GNB1L: variants seen among roughly 807,000 people sequenced by gnomAD.
GNB1L encodes guanine nucleotide-binding protein subunit beta-like protein 1.
A neutral mutation model predicts 29.1 loss-of-function variants in GNB1L; 20 were observed. The ratio of observed to expected loss-of-function variants is 0.69; its 90% confidence interval spans 0.48 to 1.00. The LOEUF (loss-of-function observed/expected upper bound fraction) is 1.00, where lower values mean the gene tolerates loss of function less well. Among genes scored for constraint, GNB1L ranks in the 50% least tolerant of loss-of-function variants. The pLI, the probability that GNB1L is intolerant of heterozygous loss-of-function variation, is 0.00. For synonymous variants in GNB1L, 193 were observed against 206.5 expected, an observed-to-expected ratio of 0.93 and a Z score of 0.56; for missense variants, 421 against 464.9, an observed-to-expected ratio of 0.91 and a Z score of 0.87.
At chr22:19,833,051 G>A (rs1254077025) in intron 2 of GNB1L, among the ~76,000 whole-genome samples, 1 of 152,186 alleles carries the variant, frequency 6.6e-6, no homozygotes, top group Non-Finnish European at 1.5e-5. Flanking sequence ...GCCTGCTAGC[G>A]CCAAACTCAG....
intron 2 of GNB1L, chr22:19,851,531 G>A: frequency 3.7e-6 from 6 of 1,614,068 alleles, no homozygotes; most frequent in East Asian, 2.2e-5. Flanking sequence ...GTTGGACCCA[G>A]ACACAGCAGG....
intron 2 of GNB1L, chr22:19,852,389 C>T: frequency 1.0e-6 from 1 of 977,978 alleles, no homozygotes; most frequent in South Asian, 1.7e-5. Flanking sequence ...CGCACTGGTC[C>T]AGGCAAGTGC....
intron 2 of GNB1L, among the ~76,000 whole-genome samples, chr22:19,827,683 C>T (rs1388784566): frequency 6.6e-6 from 1 of 152,184 alleles, no homozygotes; most frequent in Non-Finnish European, 1.5e-5. Flanking sequence ...AAAAATTAAA[C>T]AGTCTGTCAA....
At chr22:19,806,898 G>A (rs1042191214) in intron 5 of GNB1L, 141 bp from the exon 6 acceptor site, 1 of 712,526 alleles carries the variant, frequency 1.4e-6, no homozygotes. Flanking sequence ...GGGAGCCCAG[G>A]CTCCTAATTA....
At chr22:19,842,467 T>C (rs1335616609) in intron 2 of GNB1L, among the ~76,000 whole-genome samples, 1 of 152,214 alleles carries the variant, frequency 6.6e-6, no homozygotes, top group African/African-American at 2.4e-5. Context: ...GGGGCCAGGA[T>C]TGCTTCCATG....
intron 4 of GNB1L, among the ~76,000 whole-genome samples, chr22:19,818,453 G>A (rs1222139785): frequency 2.0e-5 from 3 of 152,158 alleles, no homozygotes; most frequent in Middle Eastern, 3.2e-3. Flanking sequence ...GATCTGGGTC[G>A]GCTTGGCCAG....
intron 2 of GNB1L, among the ~76,000 whole-genome samples, chr22:19,835,373 TAA>T (rs34652133): frequency 2.7e-4 from 37 of 136,274 alleles, no homozygotes; most frequent in Admixed American, 3.0e-4. Flanking sequence ...CTTAAAAATG[TAA>T]AAAAAAAAAA....
Position 19,854,866 on chromosome 22 carries a change from CGTCCAGAG to C in GNB1L, c.-172_-165del, listed in dbSNP as rs1172866999. ...GCCTGCTCCTAGGAGCGCCGCGCAG[CGTCCAGAG>C]ACCGATTACATCGCGCAGCCACGCC... On this transcript the variant is annotated 5_prime_UTR_variant, in exon 1 of 8. Transcript: ENST00000329517. 4.6e-5 allele frequency: 7 copies of C among 152,212 alleles called. No homozygotes were observed. Among genetic ancestry groups the C allele is most frequent in the Non-Finnish European group, 7.3e-5 (5 of 68,040 alleles). The allele number at this position is 152,212 out of a possible 1,614,324, so 9.4% of individuals were successfully genotyped here.
At chr22:19,789,799 C>T (rs1003822300) in intron 7 of GNB1L, among the ~76,000 whole-genome samples, 7 of 148,724 alleles carry the variant, frequency 4.7e-5, no homozygotes, top group African/African-American at 1.0e-4. Context: ...TCACTGCCAC[C>T]GCACTCCTGC....
chr22:19,840,724 C>T (rs140206800), intron 2 of GNB1L, among the ~76,000 whole-genome samples: 2,255 of 152,070 alleles, frequency 0.015, 44 homozygotes, highest in African/African-American at 0.042. Flanking sequence ...GCAGGAGAAT[C>T]GCTTGAACCC....
intron 6 of GNB1L, among the ~76,000 whole-genome samples, chr22:19,804,977 G>T (rs1317074845): frequency 6.6e-6 from 1 of 152,354 alleles, no homozygotes; most frequent in African/African-American, 2.4e-5. Context: ...GCCTTGGGGG[G>T]CGTTTTTCCT....
rs769674330 is a variant in GNB1L, at chr22:19,812,443, C to T, written c.259G>A (p.Gly87Ser). 6.2e-7 allele frequency: 1 copy of T among 1,611,772 alleles called. No individual in the cohort carries two copies. The highest frequency in any genetic ancestry group is 8.5e-7 in the Non-Finnish European group (1 of 1,178,986). The change falls in exon 5 of 8, where the codon GGC becomes AGC. Residue 87 changes from glycine to serine, a missense_variant. By Grantham distance (56) the Gly-to-Ser change is moderately conservative (BLOSUM62 0). Coordinates refer to ENST00000329517, the MANE Select transcript of GNB1L (RefSeq NM_053004.3). ...LPQGRQLLSQ[G>S]RDLKLCLWDL... is the part of the protein sequence containing the mutation. ...CACAGGCACAGCTTCAGGTCCCGGC[C>T]CTGACTGCCAGACAAAGAGGAGACA...
intron 4 of GNB1L, among the ~76,000 whole-genome samples, chr22:19,820,126 CG>C (rs1555901331): frequency 6.6e-6 from 1 of 152,150 alleles, no homozygotes; most frequent in Non-Finnish European, 1.5e-5. Context: ...TCATGGCACA[CG>C]GCCCAGGCAG....
intron 2 of GNB1L, among the ~76,000 whole-genome samples, chr22:19,843,010 G>A (rs1040735492): frequency 6.6e-6 from 1 of 152,214 alleles, no homozygotes; most frequent in African/African-American, 2.4e-5. Flanking sequence ...GGAGTCAAAG[G>A]CGCACTTCAT....
intron 2 of GNB1L, among the ~76,000 whole-genome samples, chr22:19,823,867 TCAGA>T (rs1937598652): frequency 6.6e-6 from 1 of 151,738 alleles, no homozygotes; most frequent in African/African-American, 2.4e-5. Context: ...ACACGCAGAC[TCAGA>T]CACTCAGGCA....
At chr22:19,791,157 C>T (rs900060621) in intron 7 of GNB1L, among the ~76,000 whole-genome samples, 7 of 152,148 alleles carry the variant, frequency 4.6e-5, no homozygotes, top group African/African-American at 7.2e-5. Flanking sequence ...TGCTTAAGCC[C>T]AGGAGTTTGA....
intron 5 of GNB1L, among the ~76,000 whole-genome samples, chr22:19,809,210 C>T (rs1278649830): frequency 3.3e-5 from 5 of 151,510 alleles, no homozygotes; most frequent in East Asian, 3.9e-4. Context: ...GTTGAGAGGA[C>T]GTTGAGGGGA....
At chr22:19,807,772 G>A (rs1349161147) in intron 5 of GNB1L, among the ~76,000 whole-genome samples, 1 of 152,194 alleles carries the variant, frequency 6.6e-6, no homozygotes, top group South Asian at 2.1e-4. Flanking sequence ...TCCTGAGCCA[G>A]GCAGAGGGAT....
chr22:19,823,414 C>T (rs1937594523), intron 2 of GNB1L, among the ~76,000 whole-genome samples: 1 of 152,220 alleles, frequency 6.6e-6, no homozygotes, highest in South Asian at 2.1e-4. Flanking sequence ...CAGCTGCCCT[C>T]AGCGGGCTGG....
Sources: gnomAD v4.1 joint callset for allele counts (sites outside exome capture counted in the v4.1 genomes callset) on GRCh38, gnomAD v4.1.1 for gene constraint, MANE v1.5 for transcripts, NCBI Gene and HGNC (gene_info 2026-07-23, HGNC 2026-07-21) for gene names.